The following B4GALT1 variants were observed in gnomAD, a reference collection of about 807,000 sequenced individuals.
The protein encoded by B4GALT1 is N-acetyllactosamine synthase.
Under a neutral mutation model 34.9 loss-of-function variants are expected in B4GALT1, and 16 were observed. That is an observed-to-expected ratio of 0.46 (90% confidence interval 0.31 to 0.70). B4GALT1 has a LOEUF of 0.70. B4GALT1 is among the 30% of genes least tolerant of loss of function. B4GALT1 has a pLI of 0.05. For missense variants in B4GALT1, 445 were observed against 530.5 expected, an observed-to-expected ratio of 0.84 and a Z score of 1.58; for synonymous variants, 221 against 218.1, an observed-to-expected ratio of 1.01 and a Z score of -0.12.
At chr9:33,159,077 C>G (rs578001684) in intron 1 of B4GALT1, among the ~76,000 whole-genome samples, 1 of 152,216 alleles carries the variant, frequency 6.6e-6, no homozygotes, top group South Asian at 2.1e-4. Flanking sequence ...AACGCAAATA[C>G]CAGCTTCCCT....
intron 2 of B4GALT1, among the ~76,000 whole-genome samples, chr9:33,131,222 G>A (rs565996961): frequency 2.0e-5 from 3 of 152,202 alleles, no homozygotes; most frequent in African/African-American, 4.8e-5. Flanking sequence ...GGAGTCAGAC[G>A]CTGGGGTTTG....
intron 1 of B4GALT1, among the ~76,000 whole-genome samples, chr9:33,158,897 G>T (rs905212432): frequency 6.6e-6 from 1 of 152,314 alleles, no homozygotes; most frequent in Admixed American, 6.5e-5. Context: ...TTTGCTGAAT[G>T]AGGAAATGAG....
At chr9:33,167,424 G>T (rs1840785087), upstream of B4GALT1, 2 of 248,840 alleles carry the variant, frequency 8.0e-6, no homozygotes, top group Non-Finnish European at 1.5e-5. Context: ...GGGTTTTCTG[G>T]ACGAGGGCGG....
chr9:33,133,424 T>C (rs569122514), intron 2 of B4GALT1, among the ~76,000 whole-genome samples: 1 of 152,308 alleles, frequency 6.6e-6, no homozygotes, highest in South Asian at 2.1e-4. Flanking sequence ...CTGGTGATGG[T>C]GGCCGCCTCT....
rs761423873 is a variant in B4GALT1, at chr9:33,166,983, C to T, written c.187G>A (p.Gly63Ser). ...CCGATGGCGGCGGCACTGTTCGAGCCGCCCTGCAGCGGTGTGGAGACTCCG... is the reference window on the plus strand; with the variant it reads ...CCGATGGCGGCGGCACTGTTCGAGCTGCCCTGCAGCGGTGTGGAGACTCCG... ...LVGVSTPLQGGSNSAAAIGQS... is the reference protein window; with the variant it reads ...LVGVSTPLQGSSNSAAAIGQS... The change falls in exon 1 of 6, where the codon GGC becomes AGC. Residue 63 changes from glycine to serine, a missense_variant. Around this residue, in one of 3 missense-constraint regions of B4GALT1, gnomAD observed 349 missense variants for 395.5 expected, o/e 0.88. Transcript: ENST00000379731. 7.6e-6 allele frequency: 12 copies of T among 1,587,762 alleles called. No individual in the cohort carries two copies. The South Asian group carries it at 1.1e-4, about 15-fold the overall frequency.
intron 1 of B4GALT1, among the ~76,000 whole-genome samples, chr9:33,144,798 C>T (rs1840401641): frequency 6.6e-6 from 1 of 152,274 alleles, no homozygotes; most frequent in East Asian, 1.9e-4. Context: ...TGCTTCCTCC[C>T]TTAGAATCTT....
chr9:33,148,026 C>T (rs554501394), intron 1 of B4GALT1, among the ~76,000 whole-genome samples: 1 of 151,816 alleles, frequency 6.6e-6, no homozygotes, highest in South Asian at 2.1e-4. Context: ...AGAGCAAAAC[C>T]CCAACTCTTA....
chr9:33,141,424 G>T (rs1840347722), intron 1 of B4GALT1, among the ~76,000 whole-genome samples: 1 of 152,254 alleles, frequency 6.6e-6, no homozygotes, highest in East Asian at 1.9e-4. Flanking sequence ...GGCTGAGGCA[G>T]GAGAATCTCT....
At chr9:33,117,980 C>G (rs993774474) in intron 3 of B4GALT1, among the ~76,000 whole-genome samples, 2 of 152,180 alleles carry the variant, frequency 1.3e-5, no homozygotes, top group Admixed American at 6.5e-5. Flanking sequence ...CTATCTGCCC[C>G]AAGCCCAAAC....
chr9:33,121,708 GTT>G (rs199842520), intron 2 of B4GALT1, among the ~76,000 whole-genome samples: 2 of 151,842 alleles, frequency 1.3e-5, no homozygotes, highest in African/African-American at 4.8e-5. Context: ...AGGATGTTTT[GTT>G]TTTTTTATTC....
intron 1 of B4GALT1, among the ~76,000 whole-genome samples, chr9:33,151,873 T>C (rs1200900061): frequency 6.6e-6 from 1 of 152,234 alleles, no homozygotes; most frequent in Non-Finnish European, 1.5e-5. Flanking sequence ...GTTCATCTTT[T>C]GCTGTCGAAG....
intron 2 of B4GALT1, among the ~76,000 whole-genome samples, chr9:33,129,716 A>G (rs1840165451): frequency 6.6e-6 from 1 of 152,240 alleles, no homozygotes; most frequent in South Asian, 2.1e-4. Flanking sequence ...GCCTGGGAGC[A>G]GCAGGGAAGG....
chr9:33,172,211 T>C (rs1417318743), upstream of B4GALT1, among the ~76,000 whole-genome samples: 2 of 152,144 alleles, frequency 1.3e-5, no homozygotes, highest in Admixed American at 6.5e-5. Context: ...CTCCCTGGGC[T>C]GGCTCAAGTC....
intron 1 of B4GALT1, among the ~76,000 whole-genome samples, chr9:33,148,780 G>T (rs1000752989): frequency 2.1e-5 from 3 of 144,052 alleles, no homozygotes; most frequent in African/African-American, 8.0e-5. Context: ...AGAGGACCAT[G>T]GAACTTCTTG....
At chr9:33,140,673 C>A (rs905120651) in intron 1 of B4GALT1, among the ~76,000 whole-genome samples, 2 of 152,186 alleles carry the variant, frequency 1.3e-5, no homozygotes, top group Non-Finnish European at 2.9e-5. Context: ...GGTCTCAGAC[C>A]TGACAGTACA....
At chr9:33,171,027 G>C (rs999328056), upstream of B4GALT1, among the ~76,000 whole-genome samples, 1 of 152,152 alleles carries the variant, frequency 6.6e-6, no homozygotes, top group Non-Finnish European at 1.5e-5. Context: ...CTCCTATGGC[G>C]CCCTCTTCTG....
chr9:33,109,934 T>C (rs897192908), downstream of B4GALT1, among the ~76,000 whole-genome samples: 1 of 152,250 alleles, frequency 6.6e-6, no homozygotes, highest in Non-Finnish European at 1.5e-5. Context: ...TGTCAGACCC[T>C]CTAAGGCAGC....
intron 1 of B4GALT1, among the ~76,000 whole-genome samples, chr9:33,153,625 C>A: frequency 6.6e-6 from 1 of 152,116 alleles, no homozygotes; most frequent in East Asian, 1.9e-4. Flanking sequence ...ATGAAGCAAA[C>A]TCCTTGGAAG....
At chr9:33,132,078 C>T (rs1450948801) in intron 2 of B4GALT1, among the ~76,000 whole-genome samples, 1 of 150,454 alleles carries the variant, frequency 6.6e-6, no homozygotes, top group Non-Finnish European at 1.5e-5. Context: ...AAAGTTAACC[C>T]TTGGAGAAGG....
Sources: gnomAD v4.1 joint callset for allele counts (sites outside exome capture counted in the v4.1 genomes callset) on GRCh38, gnomAD v4.1.1 for gene constraint, gnomAD v4.1.1 regional missense constraint, MANE v1.5 for transcripts, NCBI Gene and HGNC (gene_info 2026-07-23, HGNC 2026-07-21) for gene names.